Variants in ATP6V0A4 observed in about 807,000 individuals in gnomAD.
ATP6V0A4 encodes V-type proton ATPase 116 kDa subunit a 4.
Under a neutral mutation model 107.3 loss-of-function variants are expected in ATP6V0A4, and 86 were observed. That is an observed-to-expected ratio of 0.80 (90% CI 0.67 to 0.96). The LOEUF (loss-of-function observed/expected upper bound fraction) is 0.96. Ranked by LOEUF, ATP6V0A4 falls within the 40% of genes least tolerant of loss-of-function variation. The pLI is 0.00. For synonymous variants in ATP6V0A4, 353 were observed against 381.4 expected, an observed-to-expected ratio of 0.93 and a Z score of 0.87; for missense variants, 908 against 1,045.6, an observed-to-expected ratio of 0.87 and a Z score of 1.81.
intron 2 of ATP6V0A4, among the ~76,000 whole-genome samples, chr7:138,779,745 C>T (rs1478621674): frequency 1.3e-5 from 2 of 152,130 alleles, no homozygotes; most frequent in Non-Finnish European, 2.9e-5. Context: ...AACTTCATTA[C>T]TATGATGTAA....
chr7:138,769,312 CTTTTTT>C lies in ATP6V0A4; in HGVS notation c.118-67_118-62del, dbSNP rs540481545. On this transcript the variant is annotated intron_variant, in intron 3 of 21. Coordinates refer to ENST00000310018, the MANE Select transcript of ATP6V0A4 (RefSeq NM_020632.3). The stretch of plus-strand genomic sequence containing the variant: ...GCAACAGCTGCCAATAGATTTCTTT[CTTTTTT>C]TTTTTTTTTTTTTGAGACTGAGTTT... 469 of 1,325,966 alleles carry C rather than the reference CTTTTTT, an allele frequency of 3.5e-4. 1 individual carries two copies. The African/African-American group carries it at 6.7e-3, about 19-fold the overall frequency. The allele number at this position is 1,325,966 out of a possible 1,614,324, so 82.1% of individuals were successfully genotyped here. A position where few individuals can be genotyped will look rare whatever the true frequency, so the allele number is the denominator to read the frequency against.
At chr7:138,793,893 A>G (rs531501947) in intron 1 of ATP6V0A4, among the ~76,000 whole-genome samples, 2 of 152,264 alleles carry the variant, frequency 1.3e-5, no homozygotes, top group African/African-American at 2.4e-5. Flanking sequence ...AACAAGCTAA[A>G]TTAGTCATCC....
chr7:138,780,433 T>C (rs1005372371), intron 2 of ATP6V0A4, among the ~76,000 whole-genome samples: 2 of 152,082 alleles, frequency 1.3e-5, no homozygotes, highest in African/African-American at 2.4e-5. Context: ...GTGGCCCAGT[T>C]CCTAACAGGC....
chr7:138,756,667 A>G (rs1806531629), intron 8 of ATP6V0A4, 127 bp from the exon 9 acceptor site: 1 of 1,286,512 alleles, frequency 7.8e-7, no homozygotes. Flanking sequence ...GGAAACTGTA[A>G]CTTTCCTAGT....
intron 19 of ATP6V0A4, among the ~76,000 whole-genome samples, chr7:138,717,157 A>G (rs1804081900): frequency 6.6e-6 from 1 of 152,188 alleles, no homozygotes. Flanking sequence ...GACACTCTGC[A>G]CATGGGAGCT....
intron 21 of ATP6V0A4, among the ~76,000 whole-genome samples, chr7:138,707,271 A>G (rs1328988834): frequency 2.2e-5 from 2 of 90,532 alleles, no homozygotes; most frequent in Admixed American, 3.8e-4. Flanking sequence ...ATTATATTAT[A>G]TATTCTATAT....
chr7:138,737,586 T>C (rs1020997415), intron 15 of ATP6V0A4, among the ~76,000 whole-genome samples: 7,990 of 145,998 alleles, frequency 0.055, 655 homozygotes, highest in African/African-American at 0.16. Flanking sequence ...TTTCTTTTTT[T>C]TTTTTTTTTT....
In ATP6V0A4 at chr7:138,734,237, T is replaced by G; in HGVS notation, c.1590A>C (p.Ser530=). 1 of 1,613,518 alleles carries G rather than the reference T, an allele frequency of 6.2e-7. No homozygotes were observed. Among genetic ancestry groups the G allele is most frequent in the Non-Finnish European group, 8.5e-7 (1 of 1,179,604 alleles). The change falls in exon 16 of 22, where the codon TCA becomes TCC. Residue 530 remains serine (S), a synonymous_variant. Transcript: ENST00000310018. ...ACGAGTTCAGAAATGTGAGTTTGTT[T>G]GAAGCCAAGTTCCAAATCTGGATGG... ...FGIDPIWNLA[S]NKLTFLNSYK...
chr7:138,713,647 A>G (rs568899080), intron 20 of ATP6V0A4, among the ~76,000 whole-genome samples: 70 of 152,334 alleles, frequency 4.6e-4, no homozygotes, highest in African/African-American at 1.7e-3. Context: ...ACAGGAAGGC[A>G]TCTTCCAGAC....
intron 2 of ATP6V0A4, among the ~76,000 whole-genome samples, chr7:138,778,920 G>A (rs1807797685): frequency 6.6e-6 from 1 of 152,180 alleles, no homozygotes; most frequent in Non-Finnish European, 1.5e-5. Flanking sequence ...CACATGCAGA[G>A]CAGTAATGAG....
chr7:138,738,569 C>T, intron 15 of ATP6V0A4, among the ~76,000 whole-genome samples: 1 of 152,200 alleles, frequency 6.6e-6, no homozygotes, highest in Middle Eastern at 3.2e-3. Context: ...TTGCAACTTA[C>T]ACACCAGCCT....
rs571399338 is a variant in ATP6V0A4 at position 138,749,294 on chromosome 7, G to T, written c.1053C>A (p.Ala351=). 1.1e-5 allele frequency: 17 copies of T among 1,613,324 alleles called. No homozygotes were observed. The highest frequency in any genetic ancestry group is 1.6e-4 in the Middle Eastern group (1 of 6,084). Residue 351 remains alanine, a synonymous_variant, in exon 12 of 22, where the codon GCC becomes GCA. Transcript: ENST00000310018. Reference sequence around the variant, plus strand: ...TAGATTGCACTGTGGTCATGATGGGGGCCATGGAGGAGCCACTTAGTTCCT... The same window carrying T: ...TAGATTGCACTGTGGTCATGATGGGTGCCATGGAGGAGCCACTTAGTTCCT... ...QGMELSGSSM[A]PIMTTVQSKT... is the part of the protein sequence containing the mutation.
intron 2 of ATP6V0A4, among the ~76,000 whole-genome samples, chr7:138,784,377 GGC>G (rs1197898704): frequency 3.4e-5 from 5 of 146,272 alleles, no homozygotes; most frequent in Non-Finnish European, 7.5e-5. Context: ...GGGGTGCAGT[GGC>G]GCAATCTTGG....
In ATP6V0A4 at chr7:138,747,559, A is replaced by AG. The variant is rs566440675; in HGVS notation, c.1185dup (p.Tyr396LeufsTer34). The AG allele has an allele frequency of 1.5e-5, 25 of 1,614,024 alleles. No individual in the cohort carries two copies. The highest frequency in any genetic ancestry group is 2.2e-5 in the East Asian group (1 of 44,856). ...AGGAAGGGGAAAGTGATGATGGTGT[A>AG]GGGGGCTGCGGAGGGGAGACACACA... On this transcript the variant is annotated frameshift_variant, in exon 13 of 22. Coordinates refer to ENST00000310018, the MANE Select transcript of ATP6V0A4 (RefSeq NM_020632.3). LOFTEE classifies it high-confidence loss of function.
chr7:138,734,019 C>A (rs1447164921), intron 16 of ATP6V0A4, 117 bp downstream of exon 16: 16 of 1,188,040 alleles, frequency 1.3e-5, no homozygotes, highest in Non-Finnish European at 2.0e-5. Flanking sequence ...CAGGGAAGTA[C>A]CCCTCATAGG....
chr7:138,706,665 A>G lies in ATP6V0A4; in HGVS notation c.2482T>C (p.Phe828Leu), dbSNP rs1562971981. Reference sequence around the variant, plus strand: ...CCATCCAGGATGTGTTTAAAGGAGAATGGAGAAAACTTGTAACCATCCCCG... The same window carrying G: ...CCATCCAGGATGTGTTTAAAGGAGAGTGGAGAAAACTTGTAACCATCCCCG... The part of the protein sequence containing the change: ...YVGDGYKFSP[F>L]SFKHILDGTA... Residue 828 changes from phenylalanine to leucine, a missense_variant, in exon 22 of 22, where the codon TTC becomes CTC. Physicochemically the swap from Phe to Leu is conservative, Grantham distance 22. Coordinates refer to ENST00000310018, the MANE Select transcript of ATP6V0A4 (RefSeq NM_020632.3). The G allele has an allele frequency of 3.7e-6, 6 of 1,613,956 alleles. No homozygotes were observed. The highest frequency in any genetic ancestry group is 4.2e-6 in the Non-Finnish European group (5 of 1,179,942).
In ATP6V0A4 at chr7:138,745,960, A is replaced by AT. The variant is rs1212947750; in HGVS notation, c.1321-681_1321-680insA. On this transcript the variant is annotated intron_variant, in intron 13 of 21. Transcript: ENST00000310018. Reference sequence around the variant, plus strand: ...CTCTGTCTCAAAAAAAAAAAAAAAAAAAATATATATATATATATAAAATAT... The same window carrying AT: ...CTCTGTCTCAAAAAAAAAAAAAAAAATAAATATATATATATATATAAAATAT... 4.4e-3 allele frequency among the ~76,000 whole-genome samples: 281 copies of AT among 63,670 alleles called. 9 individuals carry two copies. Among genetic ancestry groups the AT allele is most frequent in the East Asian group, 0.031 (49 of 1,562 alleles). 41.8% of individuals were successfully genotyped at this position (63,670 alleles called of 152,430 possible).
chr7:138,792,766 G>GTT lies in ATP6V0A4; in HGVS notation c.-121+5266_-121+5267dup, dbSNP rs1202969668. On this transcript the variant is annotated intron_variant, in intron 1 of 21. Transcript: ENST00000310018. ...GGCTTGCATCACCAAACTCAGGTTT[G>GTT]TTTTTTTTTTTGTTGTTTTGTTTTT... Among the ~76,000 whole-genome samples the GTT allele has an allele frequency of 3.8e-3, 262 of 68,644 alleles. 26 individuals carry two copies. Among genetic ancestry groups the GTT allele is most frequent in the East Asian group, 9.1e-3 (22 of 2,420 alleles). 45.0% of individuals were successfully genotyped at this position (68,644 alleles called of 152,430 possible).
chr7:138,745,471 C>G (rs992800941), intron 13 of ATP6V0A4, 191 bp from the exon 14 acceptor site: 2 of 295,272 alleles, frequency 6.8e-6, no homozygotes, highest in Non-Finnish European at 1.0e-5. Context: ...TATAGGTGCA[C>G]CAAAAAGTCC....
Sources: gnomAD v4.1 joint callset for allele counts (sites outside exome capture counted in the v4.1 genomes callset) on GRCh38, gnomAD v4.1.1 for gene constraint, MANE v1.5 for transcripts, NCBI Gene and HGNC (gene_info 2026-07-23, HGNC 2026-07-21) for gene names.